ARHGAP6: variants seen among roughly 807,000 people sequenced by gnomAD.
ARHGAP6 encodes the protein rho GTPase-activating protein 6.
ARHGAP6 carries 16 observed loss-of-function variants against 55.7 expected under a neutral mutation model. That is an observed-to-expected ratio of 0.29 (90% CI 0.19 to 0.44). The LOEUF (loss-of-function observed/expected upper bound fraction) is 0.44, where lower values mean the gene tolerates loss of function less well. ARHGAP6 is among the 20% of genes least tolerant of loss of function. The pLI is 1.00. For missense variants in ARHGAP6, 698 were observed against 808.9 expected, an observed-to-expected ratio of 0.86 and a Z score of 1.66; for synonymous variants, 382 against 360.9, an observed-to-expected ratio of 1.06 and a Z score of -0.66.
intron 1 of ARHGAP6, among the ~76,000 whole-genome samples, chrX:11,642,072 G>A (rs2052480911): frequency 9.0e-6 from 1 of 111,321 alleles, no homozygotes; most frequent in Non-Finnish European, 1.9e-5. Flanking sequence ...TTCAATTCAC[G>A]TTTGAATGCA....
chrX:11,225,151 C>T (rs1364497801), intron 2 of ARHGAP6, among the ~76,000 whole-genome samples: 4 of 110,570 alleles, frequency 3.6e-5, no homozygotes, highest in African/African-American at 1.3e-4. Flanking sequence ...GGAGATGTTG[C>T]AGCCATTGGG....
At chrX:11,280,768 A>C (rs1357722490) in intron 1 of ARHGAP6, among the ~76,000 whole-genome samples, 1 of 108,884 alleles carries the variant, frequency 9.2e-6, no homozygotes, top group African/African-American at 3.4e-5. Flanking sequence ...AAAAAAAATC[A>C]AAATTTTTTT....
intron 1 of ARHGAP6, among the ~76,000 whole-genome samples, chrX:11,376,276 T>C (rs764891199): frequency 1.4e-4 from 16 of 112,577 alleles, no homozygotes; most frequent in Non-Finnish European, 2.6e-4. Context: ...GCAGATATGA[T>C]TAAGTGTATA....
intron 10 of ARHGAP6, among the ~76,000 whole-genome samples, chrX:11,155,174 A>T (rs763083966): frequency 1.9e-4 from 22 of 112,848 alleles, no homozygotes; most frequent in Non-Finnish European, 4.1e-4. Flanking sequence ...CTTTTTAAGT[A>T]TCTGCAATAA....
At position 11,381,247 on chromosome X, in the gene ARHGAP6, G is replaced by A. The variant is rs2049259674; in HGVS notation, c.589-126540C>T. On this transcript the variant is annotated intron_variant, in intron 1 of 12. Transcript: ENST00000337414. ...GTTTCCGTCTACTTAGTTCAAGTGT[G>A]TGCGTTATATTTAGAATTCTAGAGT... is the stretch of plus-strand genomic sequence containing the variant. Among the ~76,000 whole-genome samples the A allele has an allele frequency of 2.7e-5, 3 of 112,472 alleles. No homozygotes were observed. The Admixed American group carries it at 2.8e-4, about 11-fold the overall frequency.
chrX:11,502,666 G>T (rs1214134123), intron 1 of ARHGAP6, among the ~76,000 whole-genome samples: 1 of 111,400 alleles, frequency 9.0e-6, no homozygotes, highest in African/African-American at 3.3e-5. Context: ...CCTTTATGAT[G>T]ATCTGCTTCT....
intron 1 of ARHGAP6, chrX:11,298,787 G>T (rs1252443112): frequency 8.3e-7 from 1 of 1,207,843 alleles, no homozygotes; most frequent in Admixed American, 2.2e-5. Flanking sequence ...AGCCCTACCA[G>T]CCCCAGCCTG....
At chrX:11,616,179 G>C (rs2052161838) in intron 1 of ARHGAP6, among the ~76,000 whole-genome samples, 1 of 110,506 alleles carries the variant, frequency 9.0e-6, no homozygotes, top group African/African-American at 3.3e-5. Flanking sequence ...CCTGGGTTTG[G>C]TCCCCCTTCC....
At chrX:11,160,215 C>T (rs1000558651) in intron 9 of ARHGAP6, among the ~76,000 whole-genome samples, 16 of 108,045 alleles carry the variant, frequency 1.5e-4, no homozygotes, top group African/African-American at 5.1e-4. Context: ...TTTGGGAGGC[C>T]GAGGTGGGCA....
rs746224521 is a variant in ARHGAP6 at position 11,186,456 on chromosome X, C to A, written c.1078-25G>T. The stretch of plus-strand genomic sequence containing the variant: ...CCTGCAAGTGACACAGAGCCGTGAA[C>A]ATAAAGTACAGATAGCCAAAAAACC... On this transcript the variant is annotated intron_variant, in intron 4 of 12. Coordinates refer to ENST00000337414, the MANE Select transcript of ARHGAP6 (RefSeq NM_013427.3). 23 of 1,181,146 alleles carry A rather than the reference C, an allele frequency of 1.9e-5. No homozygotes were observed. The South Asian group carries it at 4.1e-4, about 21-fold the overall frequency.
intron 1 of ARHGAP6, among the ~76,000 whole-genome samples, chrX:11,649,994 T>C (rs1397350172): frequency 6.7e-5 from 7 of 104,367 alleles, no homozygotes; most frequent in Admixed American, 6.1e-4. Context: ...TTCTTTTCTT[T>C]TTTTTTTTTT....
intron 1 of ARHGAP6, among the ~76,000 whole-genome samples, chrX:11,320,887 TATACACACATGC>T (rs60797877): frequency 8.9e-4 from 98 of 109,520 alleles, no homozygotes; most frequent in African/African-American, 3.1e-3. Context: ...TACACCTACA[TATACACACATGC>T]ATACACACAT....
chrX:11,496,640 C>A (rs1470951793), intron 1 of ARHGAP6, among the ~76,000 whole-genome samples: 2 of 112,042 alleles, frequency 1.8e-5, no homozygotes, highest in Non-Finnish European at 3.8e-5. Context: ...CAGACATTTT[C>A]TACATTTGTG....
chrX:11,484,839 G>T (rs1198667585), intron 1 of ARHGAP6, among the ~76,000 whole-genome samples: 1 of 111,407 alleles, frequency 9.0e-6, no homozygotes, highest in Non-Finnish European at 1.9e-5. Flanking sequence ...TTAAATAGGG[G>T]CTTTATTTTT....
chrX:11,500,681 AAAAG>A (rs1396159076), intron 1 of ARHGAP6, among the ~76,000 whole-genome samples: 82 of 108,920 alleles, frequency 7.5e-4, no homozygotes, highest in African/African-American at 2.8e-3. Flanking sequence ...AAAAAAAAAA[AAAAG>A]AAGAAGCAAA....
At position 11,179,522 on chromosome X, in the gene ARHGAP6, A is replaced by C. The variant is rs113528364; in HGVS notation, c.1330-70T>G. ...TCAATGAGCAGTGCCCAGCAGGAGA[A>C]GTGCTGTGACACGTAGCATCTGGAA... On this transcript the variant is annotated intron_variant, in intron 6 of 12. Transcript: ENST00000337414. 1,145 of 1,127,718 alleles carry C rather than the reference A, an allele frequency of 1.0e-3. 8 individuals carry two copies. The African/African-American group carries it at 0.018, about 18-fold the overall frequency. 92.9% of individuals were successfully genotyped at this position (1,127,718 alleles called of 1,213,427 possible).
intron 1 of ARHGAP6, among the ~76,000 whole-genome samples, chrX:11,304,096 C>CT (rs758946992): frequency 7.5e-4 from 78 of 104,316 alleles, no homozygotes; most frequent in East Asian, 2.4e-3. Context: ...TCACGTTTGT[C>CT]TTTTTTTTTT....
At chrX:11,300,059 A>C (rs1433916437) in intron 1 of ARHGAP6, among the ~76,000 whole-genome samples, 1 of 112,041 alleles carries the variant, frequency 8.9e-6, no homozygotes, top group Non-Finnish European at 1.9e-5. Flanking sequence ...AAATTGATTG[A>C]ATCCCAAGTA....
intron 1 of ARHGAP6, among the ~76,000 whole-genome samples, chrX:11,609,304 C>T (rs962998247): frequency 1.8e-5 from 2 of 111,731 alleles, no homozygotes; most frequent in Non-Finnish European, 3.8e-5. Context: ...TCAAAAAGTA[C>T]ATAGATGAAT....
Sources: allele counts gnomAD v4.1 joint callset (sites outside exome capture counted in the v4.1 genomes callset), GRCh38; gene constraint gnomAD v4.1.1; transcripts MANE v1.5; gene names NCBI Gene and HGNC (gene_info 2026-07-23, HGNC 2026-07-21).